Variants in CUX2 observed in about 807,000 individuals in gnomAD.
CUX2 encodes homeobox protein cut-like 2.
A neutral mutation model predicts 144.8 loss-of-function variants in CUX2; 40 were observed. The observed-to-expected ratio is 0.28, with a 90% CI of 0.21 to 0.36. The LOEUF is 0.36. CUX2 is among the 10% of genes least tolerant of loss of function. The probability of loss-of-function intolerance (pLI) is 1.00; values close to 1 mark genes in which losing one functional copy is unlikely to be tolerated. For missense variants in CUX2, 1,615 were observed against 1,994.0 expected, an observed-to-expected ratio of 0.81 and a Z score of 3.62; for synonymous variants, 827 against 875.6, an observed-to-expected ratio of 0.94 and a Z score of 0.98.
chr12:111,084,503 T>A (rs190013170), intron 1 of CUX2, among the ~76,000 whole-genome samples: 7 of 152,268 alleles, frequency 4.6e-5, no homozygotes, highest in African/African-American at 1.7e-4. Context: ...CTTTTTTTTT[T>A]TTTTCCCTAG....
chr12:111,176,854 T>C (rs1287802108), intron 1 of CUX2, among the ~76,000 whole-genome samples: 1 of 152,176 alleles, frequency 6.6e-6, no homozygotes, highest in East Asian at 1.9e-4. Context: ...AGGAAATGCC[T>C]GCAGGTCCTT....
Position 111,220,937 on chromosome 12 carries a change from TAAAAAAAAAAAAA to T in CUX2, c.222+3012_222+3024del, listed in dbSNP as rs1162004039. ...GGCAACAGAGCGAGACCTGGTCTCTTAAAAAAAAAAAAAAAAAAAAAAAAGGAAAAAGGATTCA... is the reference window on the plus strand; with the variant it reads ...GGCAACAGAGCGAGACCTGGTCTCTTAAAAAAAAAAAGGAAAAAGGATTCA... On this transcript the variant is annotated intron_variant, in intron 3 of 21. Coordinates refer to ENST00000261726, the MANE Select transcript of CUX2 (RefSeq NM_015267.4). Among the ~76,000 whole-genome samples the T allele has an allele frequency of 8.1e-3, 745 of 92,092 alleles. 32 individuals are homozygous for T. Among genetic ancestry groups the T allele is most frequent in the Admixed American group, 0.08 (658 of 8,256 alleles). The allele number at this position is 92,092 out of a possible 152,430, so 60.4% of individuals were successfully genotyped here. A position where few individuals can be genotyped will look rare whatever the true frequency, so the allele number is the denominator to read the frequency against.
Position 111,049,383 on chromosome 12 carries a change from C to T in CUX2, c.63+15143C>T, listed in dbSNP as rs537549672. ...CTCCATGCATGCATCCATCCAACAT[C>T]TACTCAGCCAACACTAGGAATGTAA... On this transcript the variant is annotated intron_variant, in intron 1 of 21. Coordinates refer to ENST00000261726, the MANE Select transcript of CUX2 (RefSeq NM_015267.4). 5.3e-5 allele frequency among the ~76,000 whole-genome samples: 8 copies of T among 152,352 alleles called. No individual in the cohort carries two copies. The South Asian group carries it at 1.0e-3, about 20-fold the overall frequency.
chr12:111,160,535 G>A lies in CUX2; in HGVS notation c.64-53665G>A, dbSNP rs1877688847. ...CTGGTCCAAGAACTCGCGTGACCCGGCACAGAGGGGGCGCGAGATGCGAGC... is the reference window on the plus strand; with the variant it reads ...CTGGTCCAAGAACTCGCGTGACCCGACACAGAGGGGGCGCGAGATGCGAGC... On this transcript the variant is annotated intron_variant, in intron 1 of 21. Transcript: ENST00000261726. This position sits in a 1 kb window ranked among gnomAD's most constrained non-coding sequence, Gnocchi z 4.1. 6.6e-6 allele frequency among the ~76,000 whole-genome samples: 1 copy of A among 152,198 alleles called. No individual in the cohort carries two copies. The highest frequency in any genetic ancestry group is 1.5e-5 in the Non-Finnish European group (1 of 68,042).
chr12:111,211,876 G>C (rs2136222063), intron 1 of CUX2, among the ~76,000 whole-genome samples: 1 of 145,008 alleles, frequency 6.9e-6, no homozygotes, highest in Non-Finnish European at 1.5e-5. Flanking sequence ...GACAGAGTGA[G>C]ACTCCGTCTC....
At chr12:111,325,225 C>T (rs1887717466) in intron 18 of CUX2, among the ~76,000 whole-genome samples, 3 of 151,356 alleles carry the variant, frequency 2.0e-5, no homozygotes, top group African/African-American at 7.3e-5. Flanking sequence ...ATCCGGGAGG[C>T]GGAGCTTGCA....
At chr12:111,048,969 A>T (rs975075827) in intron 1 of CUX2, among the ~76,000 whole-genome samples, 1 of 152,136 alleles carries the variant, frequency 6.6e-6, no homozygotes, top group Non-Finnish European at 1.5e-5. Context: ...CCACTCATCC[A>T]CCACCCACCC....
chr12:111,175,711 G>A (rs1592804437), intron 1 of CUX2, among the ~76,000 whole-genome samples: 2 of 151,944 alleles, frequency 1.3e-5, no homozygotes, highest in South Asian at 2.1e-4. Flanking sequence ...AATAAAGCAA[G>A]TTTTCTTTTA....
intron 1 of CUX2, among the ~76,000 whole-genome samples, chr12:111,105,515 G>A (rs990717433): frequency 2.2e-4 from 33 of 151,998 alleles, no homozygotes; most frequent in African/African-American, 7.0e-4. Flanking sequence ...GTGTGCTCAC[G>A]CACGTGTGCA....
chr12:111,074,015 A>G (rs1406286901), intron 1 of CUX2, among the ~76,000 whole-genome samples: 1 of 151,712 alleles, frequency 6.6e-6, no homozygotes, highest in Admixed American at 6.6e-5. Context: ...AGTATATCCC[A>G]TGCAATGTTT....
Position 111,225,188 on chromosome 12 carries a change from G to A in CUX2, c.222+7251G>A, listed in dbSNP as rs538504846. 3.9e-5 allele frequency among the ~76,000 whole-genome samples: 6 copies of A among 152,342 alleles called. No individual in the cohort carries two copies. In the South Asian group the frequency reaches 6.2e-4, roughly 16 times the overall value. On this transcript the variant is annotated intron_variant, in intron 3 of 21. Coordinates refer to ENST00000261726, the MANE Select transcript of CUX2 (RefSeq NM_015267.4). ...GAGTGATGGGAGTCCTCAATGAGTT[G>A]ATACTTGAAAAGCCCCAAGAACAAA...
At position 111,304,571 on chromosome 12, in the gene CUX2, C is replaced by T. The variant is rs1018248729; in HGVS notation, c.858+257C>T. Among the ~76,000 whole-genome samples, 4 of 152,252 alleles carry T rather than the reference C, an allele frequency of 2.6e-5. No individual in the cohort carries two copies. The East Asian group carries it at 7.7e-4, about 29-fold the overall frequency. ...CACGTTTCCATATACCCTTTATTAC[C>T]AGGAGTTCCAGTATCTTCCTTTGGA... On this transcript the variant is annotated intron_variant, in intron 10 of 21. Transcript: ENST00000261726. This position sits in a 1 kb window ranked among gnomAD's most constrained non-coding sequence, Gnocchi z 4.7.
chr12:111,108,993 C>G (rs892909794), intron 1 of CUX2, among the ~76,000 whole-genome samples: 2 of 152,186 alleles, frequency 1.3e-5, no homozygotes, highest in African/African-American at 4.8e-5. Flanking sequence ...TAGAGGCACA[C>G]GAGGTCTGGC....
rs1310806939 is a variant in CUX2 at position 111,077,107 on chromosome 12, C to T, written c.63+42867C>T. ...TGTATTGCCTGTTCCTAACTGTTTG[C>T]AGAATACATCTCTGCCCCCCTTGAC... On this transcript the variant is annotated intron_variant, in intron 1 of 21. Transcript: ENST00000261726. This position sits in a 1 kb window ranked among gnomAD's most constrained non-coding sequence, Gnocchi z 4.1. Among the ~76,000 whole-genome samples the T allele has an allele frequency of 6.6e-6, 1 of 152,212 alleles. No homozygotes were observed. Among genetic ancestry groups the T allele is most frequent in the African/African-American group, 2.4e-5 (1 of 41,444 alleles).
chr12:111,205,141 CGTCTT>C (rs111915383), intron 1 of CUX2, among the ~76,000 whole-genome samples: 8,772 of 152,050 alleles, frequency 0.058, 427 homozygotes, highest in African/African-American at 0.13. Flanking sequence ...CGGAGCCATC[CGTCTT>C]GTCTTGTCTT....
intron 1 of CUX2, among the ~76,000 whole-genome samples, chr12:111,040,925 T>G (rs1869716033): frequency 6.6e-6 from 1 of 152,246 alleles, no homozygotes; most frequent in Admixed American, 6.5e-5. Flanking sequence ...GCCCTGGGTC[T>G]ACTGGTCTAT....
intron 1 of CUX2, chr12:111,100,005 C>T (rs1752262838): frequency 2.2e-6 from 1 of 457,182 alleles, no homozygotes; most frequent in African/African-American, 2.0e-5. Context: ...TATTTTTGCA[C>T]ATTCGCTTTT....
In CUX2 at chr12:111,312,226, G is replaced by A. The variant is rs1886944615; in HGVS notation, c.2002+25G>A. On this transcript the variant is annotated intron_variant, in intron 16 of 21. Coordinates refer to ENST00000261726, the MANE Select transcript of CUX2 (RefSeq NM_015267.4). The surrounding 1 kb of genome is among the most constrained non-coding windows in gnomAD (Gnocchi z 4.3). Reference sequence around the variant, plus strand: ...GGTGAGTGTGACCCCTGCAGGCAAAGCCTGAGGCCCCCGGGGCCAGCTGCG... The same window carrying A: ...GGTGAGTGTGACCCCTGCAGGCAAAACCTGAGGCCCCCGGGGCCAGCTGCG... The A allele has an allele frequency of 6.3e-7, 1 of 1,576,070 alleles. No homozygotes were observed. Among genetic ancestry groups the A allele is most frequent in the Admixed American group, 1.8e-5 (1 of 55,940 alleles).
At chr12:111,139,881 G>A (rs554039458) in intron 1 of CUX2, among the ~76,000 whole-genome samples, 22 of 152,046 alleles carry the variant, frequency 1.4e-4, no homozygotes, top group Admixed American at 5.2e-4. Flanking sequence ...TGTTAAAATC[G>A]GACAAACCCA....
Sources: allele counts gnomAD v4.1 joint callset (sites outside exome capture counted in the v4.1 genomes callset), GRCh38; gene constraint gnomAD v4.1.1; non-coding constraint Gnocchi (gnomAD v3.1); transcripts MANE v1.5; gene names NCBI Gene and HGNC (gene_info 2026-07-23, HGNC 2026-07-21).